Variants in MAP3K13 observed in about 807,000 individuals in gnomAD.
The protein encoded by MAP3K13 is leucine zipper-bearing kinase.
MAP3K13 carries 52 observed loss-of-function variants against 104.0 expected under a neutral mutation model. That is an observed-to-expected ratio of 0.50 (90% CI 0.40 to 0.63). MAP3K13 has a LOEUF of 0.63. Ranked by LOEUF, MAP3K13 falls within the 20% of genes least tolerant of loss-of-function variation. The pLI is 0.00. For synonymous variants in MAP3K13, 394 were observed against 442.2 expected (o/e 0.89, Z 1.37); for missense variants, 914 against 1,218.5 (o/e 0.75, Z 3.72).
At chr3:185,310,043 C>A (rs1195303113) in intron 2 of MAP3K13, among the ~76,000 whole-genome samples, 1 of 152,144 alleles carries the variant, frequency 6.6e-6, no homozygotes, top group Admixed American at 6.5e-5. Flanking sequence ...AGAGAGAGAA[C>A]CCCCTCTATG....
At chr3:185,377,353 A>G (rs57498550) in intron 1 of MAP3K13, among the ~76,000 whole-genome samples, 38,503 of 143,300 alleles carry the variant, frequency 0.27, 5,033 homozygotes, top group Admixed American at 0.32. Context: ...ATGATCGGTC[A>G]CCAAGGAGGG....
intron 2 of MAP3K13, among the ~76,000 whole-genome samples, chr3:185,431,698 T>C (rs942902081): frequency 6.6e-6 from 1 of 152,210 alleles, no homozygotes; most frequent in African/African-American, 2.4e-5. Context: ...TCAAGACTGT[T>C]GACAGCTTTT....
chr3:185,323,357 A>G (rs1721932073), intron 2 of MAP3K13, among the ~76,000 whole-genome samples: 1 of 115,552 alleles, frequency 8.7e-6, no homozygotes, highest in African/African-American at 3.3e-5. Context: ...TTTTTTTGAG[A>G]CGGAGTTTTG....
At chr3:185,436,020 CT>C (rs1715010567) in intron 2 of MAP3K13, among the ~76,000 whole-genome samples, 2 of 152,100 alleles carry the variant, frequency 1.3e-5, no homozygotes, top group Non-Finnish European at 2.9e-5. Flanking sequence ...CCGTGGGGCT[CT>C]TAGCTCTTTG....
In MAP3K13 at chr3:185,428,515, A is replaced by G; in HGVS notation, c.-67A>G. ...TTCTCAGGTTTTGGAGCCCTCTCTT[A>G]AGTCAGAACTCTGTCCCAAAAATCT... On this transcript the variant is annotated 5_prime_UTR_variant, in exon 2 of 14. Transcript: ENST00000265026. The G allele has an allele frequency of 6.6e-7, 1 of 1,505,794 alleles. No homozygotes were observed. Among genetic ancestry groups the G allele is most frequent in the Non-Finnish European group, 8.9e-7 (1 of 1,129,532 alleles). The allele number at this position is 1,505,794 out of a possible 1,614,324, so 93.3% of individuals were successfully genotyped here.
chr3:185,358,693 TA>T (rs1362558532), upstream of MAP3K13, among the ~76,000 whole-genome samples: 1 of 152,206 alleles, frequency 6.6e-6, no homozygotes, highest in Non-Finnish European at 1.5e-5. Context: ...GAAATTCAGT[TA>T]TTGACCAAGG....
chr3:185,426,745 T>C (rs1224107866), intron 1 of MAP3K13, among the ~76,000 whole-genome samples: 1 of 152,144 alleles, frequency 6.6e-6, no homozygotes, highest in Non-Finnish European at 1.5e-5. Context: ...CTGTAATACC[T>C]TCCCCCTCTT....
intron 7 of MAP3K13, 36 bp downstream of exon 7, chr3:185,451,431 CAGAT>C (rs761000128): frequency 2.2e-6 from 3 of 1,380,596 alleles, no homozygotes; most frequent in Non-Finnish European, 3.1e-6. Flanking sequence ...TGCTACTAAA[CAGAT>C]AGAGAACTCT....
chr3:185,428,815 C>A lies in MAP3K13; in HGVS notation c.234C>A (p.Asp78Glu), dbSNP rs376365793. 4.9e-5 allele frequency: 79 copies of A among 1,614,100 alleles called. No individual in the cohort carries two copies. The African/African-American group carries it at 1.1e-3, about 22-fold the overall frequency. ...VLTSVSEDSRDQFENSVLQLR... is the reference protein window; with the variant it reads ...VLTSVSEDSREQFENSVLQLR... ...CGAGCGTAAGTGAGGATTCCAGGGA[C>A]CAGTTTGAGAACAGCGTTCTTCAGC... The change falls in exon 2 of 14, where the codon GAC (aspartate) becomes GAA (glutamate). Residue 78 changes from aspartate to glutamate, a missense_variant. Coordinates refer to ENST00000265026, the MANE Select transcript of MAP3K13 (RefSeq NM_004721.5).
chr3:185,299,498 C>A (rs771789338), intron 2 of MAP3K13, among the ~76,000 whole-genome samples: 13 of 152,136 alleles, frequency 8.5e-5, no homozygotes, highest in African/African-American at 2.9e-4. Flanking sequence ...AGTCGATGAC[C>A]CCATCTTCAT....
intron 1 of MAP3K13, among the ~76,000 whole-genome samples, chr3:185,400,140 C>G (rs1391320414): frequency 6.6e-6 from 1 of 152,192 alleles, no homozygotes; most frequent in Admixed American, 6.5e-5. Flanking sequence ...AAAAAATCCT[C>G]GAATCCACCT....
chr3:185,300,714 A>G (rs1479255538), intron 2 of MAP3K13, among the ~76,000 whole-genome samples: 2 of 150,226 alleles, frequency 1.3e-5, no homozygotes, highest in Non-Finnish European at 3.0e-5. Flanking sequence ...CTGGTCTCAA[A>G]CTCCTGACCT....
chr3:185,426,861 C>T (rs1465546307), intron 1 of MAP3K13, among the ~76,000 whole-genome samples: 1 of 152,184 alleles, frequency 6.6e-6, no homozygotes, highest in African/African-American at 2.4e-5. Context: ...ATTCCTCCCT[C>T]TTCTGTGCTC....
At chr3:185,403,571 A>C (rs1014375456) in intron 1 of MAP3K13, among the ~76,000 whole-genome samples, 3 of 152,214 alleles carry the variant, frequency 2.0e-5, no homozygotes, top group African/African-American at 7.2e-5. Flanking sequence ...GGTAATCATC[A>C]CAATGTACAT....
chr3:185,328,293 T>C (rs1468709419), intron 2 of MAP3K13, among the ~76,000 whole-genome samples: 1 of 152,182 alleles, frequency 6.6e-6, no homozygotes, highest in Non-Finnish European at 1.5e-5. Context: ...GTACAATGTA[T>C]AGCTTCTGAG....
In MAP3K13 at chr3:185,483,220, C is replaced by T. The variant is rs1203623619; in HGVS notation, c.*764C>T. 1 of 232,936 alleles carries T rather than the reference C, an allele frequency of 4.3e-6. No individual in the cohort carries two copies. Among genetic ancestry groups the T allele is most frequent in the Non-Finnish European group, 8.5e-6 (1 of 117,838 alleles). The allele number at this position is 232,936 out of a possible 1,614,324, so 14.4% of individuals were successfully genotyped here. A position where few individuals can be genotyped will look rare whatever the true frequency, so the allele number is the denominator to read the frequency against. ...CTGGTTTCATTTTTAAATGTTTAAG[C>T]AGCAGTTGGTAGTGAGGTTTACAGA... is the stretch of plus-strand genomic sequence containing the variant. On this transcript the variant is annotated 3_prime_UTR_variant, in exon 14 of 14. Coordinates refer to ENST00000265026, the MANE Select transcript of MAP3K13 (RefSeq NM_004721.5).
chr3:185,387,922 C>A (rs1711792084), intron 1 of MAP3K13, among the ~76,000 whole-genome samples: 2 of 152,086 alleles, frequency 1.3e-5, no homozygotes, highest in African/African-American at 4.8e-5. Flanking sequence ...ATCCTAAAGA[C>A]TTCACTAAAA....
intron 2 of MAP3K13, among the ~76,000 whole-genome samples, chr3:185,286,317 A>G (rs1720509496): frequency 6.6e-6 from 1 of 152,008 alleles, no homozygotes. Flanking sequence ...CCTTTTAATC[A>G]CTAAACATTA....
In MAP3K13 at chr3:185,418,666, T is replaced by A; in HGVS notation, c.-85-9831T>A. The A allele has an allele frequency of 1.2e-6, 2 of 1,611,750 alleles. No homozygotes were observed. Among genetic ancestry groups the A allele is most frequent in the Non-Finnish European group, 1.7e-6 (2 of 1,178,974 alleles). On this transcript the variant is annotated intron_variant, in intron 1 of 13. Transcript: ENST00000265026. This position sits in a 1 kb window ranked among gnomAD's most constrained non-coding sequence, Gnocchi z 4.5. ...TTTGCGCAAGTTGGTGTGAACAAAGTTCACAATATCTGGTCGAATAGGAGC... is the reference window on the plus strand; with the variant it reads ...TTTGCGCAAGTTGGTGTGAACAAAGATCACAATATCTGGTCGAATAGGAGC...
Sources: allele counts gnomAD v4.1 joint callset (sites outside exome capture counted in the v4.1 genomes callset), GRCh38; gene constraint gnomAD v4.1.1; non-coding constraint Gnocchi (gnomAD v3.1); transcripts MANE v1.5; gene names NCBI Gene and HGNC (gene_info 2026-07-23, HGNC 2026-07-21).